The following SLCO1B1 variants were observed in gnomAD, a reference collection of about 807,000 sequenced individuals.
The protein encoded by SLCO1B1 is OATP-2.
In SLCO1B1, 81 loss-of-function variants were observed where a neutral mutation model predicts 70.1. The observed-to-expected ratio is 1.16, with a 90% confidence interval of 0.97 to 1.39. SLCO1B1 has a LOEUF of 1.39. SLCO1B1 is among the 40% of genes most tolerant of loss of function. The probability of loss-of-function intolerance (pLI) is 0.00; values close to 1 mark genes in which losing one functional copy is unlikely to be tolerated. For synonymous variants in SLCO1B1, 283 were observed against 271.5 expected (o/e 1.04, Z -0.42); for missense variants, 895 against 799.6 (o/e 1.12, Z -1.44).
chr12:21,157,626 G>A (rs1449377841), intron 2 of SLCO1B1, among the ~76,000 whole-genome samples: 193 of 141,282 alleles, frequency 1.4e-3, no homozygotes, highest in African/African-American at 4.9e-3. Flanking sequence ...TTTTGAGACA[G>A]GGTCTCACTC....
chr12:21,205,769 T>A, intron 10 of SLCO1B1, 99 bp from the exon 11 acceptor site: 10 of 894,056 alleles, frequency 1.1e-5, no homozygotes, highest in Non-Finnish European at 1.5e-5. Context: ...TTTTTTTCCC[T>A]CTTTCTCTGC....
At chr12:21,131,393 T>C (rs1282061910) in intron 1 of SLCO1B1, among the ~76,000 whole-genome samples, 157 bp downstream of exon 1, 1 of 152,060 alleles carries the variant, frequency 6.6e-6, no homozygotes, top group African/African-American at 2.4e-5. Context: ...TAAATATTCC[T>C]TCTGGGAGTA....
intron 2 of SLCO1B1, among the ~76,000 whole-genome samples, chr12:21,162,776 C>T (rs1371179522): frequency 6.6e-6 from 1 of 152,064 alleles, no homozygotes; most frequent in African/African-American, 2.4e-5. Context: ...AAGAGAGTAA[C>T]TTATGCCAGG....
chr12:21,169,437 T>C (rs1206033054), intron 2 of SLCO1B1, among the ~76,000 whole-genome samples: 3 of 152,110 alleles, frequency 2.0e-5, no homozygotes, highest in African/African-American at 7.2e-5. Context: ...CTCCTGTGAC[T>C]CTAATTTTAG....
In SLCO1B1 at chr12:21,202,439, G is replaced by C. The variant is rs1941168866; in HGVS notation, c.1136-52G>C. On this transcript the variant is annotated intron_variant, in intron 9 of 14. Transcript: ENST00000256958. ...ACATACATTGTGTTTCATCTATAAA[G>C]ACATATCAGAAAACTCATATATGAT... 3 of 1,126,006 alleles carry C rather than the reference G, an allele frequency of 2.7e-6. No individual in the cohort carries two copies. The South Asian group carries it at 4.2e-5, about 16-fold the overall frequency. The allele number at this position is 1,126,006 out of a possible 1,614,324, so 69.8% of individuals were successfully genotyped here.
chr12:21,140,376 G>T (rs926609562), intron 1 of SLCO1B1, among the ~76,000 whole-genome samples: 1 of 151,886 alleles, frequency 6.6e-6, no homozygotes, highest in Non-Finnish European at 1.5e-5. Flanking sequence ...ACTCCATGAA[G>T]AACACATTAT....
At chr12:21,140,555 T>C (rs1330454838) in intron 1 of SLCO1B1, among the ~76,000 whole-genome samples, 1 of 151,948 alleles carries the variant, frequency 6.6e-6, no homozygotes, top group Non-Finnish European at 1.5e-5. Context: ...AAATGGCATA[T>C]GATATATTAA....
intron 14 of SLCO1B1, among the ~76,000 whole-genome samples, chr12:21,228,185 G>T (rs941644956): frequency 6.6e-6 from 1 of 152,000 alleles, no homozygotes; most frequent in African/African-American, 2.4e-5. Flanking sequence ...TCTATCTAGG[G>T]TCATTTTCCT....
intron 7 of SLCO1B1, among the ~76,000 whole-genome samples, chr12:21,190,300 C>T (rs766467412): frequency 5.3e-5 from 8 of 152,152 alleles, no homozygotes; most frequent in Non-Finnish European, 1.0e-4. Flanking sequence ...TCCAGCCTTT[C>T]GGCATTATGT....
At chr12:21,189,541 A>C (rs1941004731) in intron 7 of SLCO1B1, among the ~76,000 whole-genome samples, 1 of 151,760 alleles carries the variant, frequency 6.6e-6, no homozygotes, top group African/African-American at 2.4e-5. Flanking sequence ...TCTGCCTGCC[A>C]GGTTCCAGTG....
intron 14 of SLCO1B1, among the ~76,000 whole-genome samples, chr12:21,228,052 A>G (rs968114879): frequency 6.6e-6 from 1 of 152,040 alleles, no homozygotes; most frequent in African/African-American, 2.4e-5. Context: ...TATTATATAT[A>G]TGTTATTCTT....
At chr12:21,157,790 CG>C (rs1940561789) in intron 2 of SLCO1B1, among the ~76,000 whole-genome samples, 1 of 151,812 alleles carries the variant, frequency 6.6e-6, no homozygotes, top group African/African-American at 2.4e-5. Flanking sequence ...TTAGTAGAGA[CG>C]GGGTTTCATC....
chr12:21,212,558 G>A (rs1324227642), intron 11 of SLCO1B1, among the ~76,000 whole-genome samples: 3 of 123,368 alleles, frequency 2.4e-5, no homozygotes, highest in Admixed American at 8.9e-5. Context: ...GGGGTGGAGA[G>A]TTCTGTAGAT....
chr12:21,150,692 G>T (rs1190669070), intron 2 of SLCO1B1, among the ~76,000 whole-genome samples: 1 of 152,112 alleles, frequency 6.6e-6, no homozygotes, highest in Admixed American at 6.5e-5. Context: ...CATCTGAAAG[G>T]CACCAACATC....
In SLCO1B1 at chr12:21,178,947, T is replaced by TGG; in HGVS notation, c.655_656dup (p.Pro220ValfsTer22). On this transcript the variant is annotated frameshift_variant, in exon 7 of 15. Transcript: ENST00000256958. LOFTEE classifies it high-confidence loss of function. Reference sequence around the variant, plus strand: ...GTATATTGAATGCAATAGCAATGATTGGTCCAATCATTGGCTTTACCCTGG... The same window carrying TGG: ...GTATATTGAATGCAATAGCAATGATTGGGGTCCAATCATTGGCTTTACCCTGG... 1 of 1,611,748 alleles carries TGG rather than the reference T, an allele frequency of 6.2e-7. No homozygotes were observed. The highest frequency in any genetic ancestry group is 2.2e-5 in the East Asian group (1 of 44,768).
At chr12:21,203,179 A>C (rs1941177469) in intron 10 of SLCO1B1, among the ~76,000 whole-genome samples, 1 of 152,106 alleles carries the variant, frequency 6.6e-6, no homozygotes, top group African/African-American at 2.4e-5. Context: ...ATCTTAACAA[A>C]AGAACACTTT....
chr12:21,152,996 C>T (rs1940494374), intron 2 of SLCO1B1, among the ~76,000 whole-genome samples: 1 of 152,148 alleles, frequency 6.6e-6, no homozygotes, highest in Non-Finnish European at 1.5e-5. Flanking sequence ...AGCAGTTTAT[C>T]AATTATAGTG....
chr12:21,153,781 G>A (rs907536040), intron 2 of SLCO1B1, among the ~76,000 whole-genome samples: 1 of 151,702 alleles, frequency 6.6e-6, no homozygotes, highest in Non-Finnish European at 1.5e-5. Flanking sequence ...TATCTTTTAG[G>A]ATGATATAAT....
intron 5 of SLCO1B1, among the ~76,000 whole-genome samples, chr12:21,177,493 T>G (rs1212081991): frequency 6.6e-6 from 1 of 152,092 alleles, no homozygotes; most frequent in South Asian, 2.1e-4. Flanking sequence ...TGCTAAAGAT[T>G]TTTTTAACCT....
Sources: gnomAD v4.1 joint callset for allele counts (sites outside exome capture counted in the v4.1 genomes callset) on GRCh38, gnomAD v4.1.1 for gene constraint, MANE v1.5 for transcripts, NCBI Gene and HGNC (gene_info 2026-07-23, HGNC 2026-07-21) for gene names.